The following ADAM19 variants were observed in gnomAD, a reference collection of about 807,000 sequenced individuals.
The protein encoded by ADAM19 is ADAM metallopeptidase domain 19.
In ADAM19, 65 loss-of-function variants were observed where a neutral mutation model predicts 114.7. The observed-to-expected ratio is 0.57, with a 90% CI of 0.46 to 0.70. The LOEUF is 0.70. Among genes scored for constraint, ADAM19 ranks in the 30% least tolerant of loss-of-function variants. The pLI, the probability that ADAM19 is intolerant of heterozygous loss-of-function variation, is 0.00. For synonymous variants in ADAM19, 466 were observed against 460.5 expected, an observed-to-expected ratio of 1.01 and a Z score of -0.15; for missense variants, 1,063 against 1,204.7, an observed-to-expected ratio of 0.88 and a Z score of 1.74.
Position 157,497,089 on chromosome 5 carries a change from G to A in ADAM19, c.1399C>T (p.Leu467=). 6.6e-7 allele frequency: 1 copy of A among 1,513,730 alleles called. No homozygotes were observed. 93.8% of individuals were successfully genotyped at this position (1,513,730 alleles called of 1,614,324 possible). ...AHGSCCHQCK[L]LAPGTLCREQ... ...CGGCACAGGGTCCCAGGAGCCAACA[G>A]CTGAGCCAAGGAATGAGAGGAAAAC... is the stretch of plus-strand genomic sequence containing the variant. The change falls in exon 14 of 23, where the codon CTG becomes TTG. Residue 467 remains leucine, a splice_region_variant and synonymous_variant. Transcript: ENST00000257527.
In ADAM19 at chr5:157,491,899, C is replaced by A; in HGVS notation, c.1922G>T (p.Gly641Val). Residue 641 changes from glycine to valine, a missense_variant, in exon 17 of 23, where the codon GGG becomes GTG. Gly to Val is a moderately radical substitution (Grantham distance 109). Around this residue, in one of 3 missense-constraint regions of ADAM19, gnomAD observed 424 missense variants for 445.5 expected, o/e 0.95. Transcript: ENST00000257527. ...KCGYNHICFE[G>V]QCRNTSFFET... Reference sequence around the variant, plus strand: ...AAAGAAGGAGGTGTTCCTGCACTGCCCCTCAAAGCAAATCTGCACGGAGAG... The same window carrying A: ...AAAGAAGGAGGTGTTCCTGCACTGCACCTCAAAGCAAATCTGCACGGAGAG... 6.2e-7 allele frequency: 1 copy of A among 1,614,170 alleles called. No homozygotes were observed. Among genetic ancestry groups the A allele is most frequent in the South Asian group, 1.1e-5 (1 of 91,072 alleles).
At chr5:157,522,280 G>T (rs1375633008) in intron 5 of ADAM19, among the ~76,000 whole-genome samples, 1 of 145,874 alleles carries the variant, frequency 6.9e-6, no homozygotes, top group East Asian at 1.9e-4. Flanking sequence ...TAAGAGTAGG[G>T]ATTTGTTTTT....
Position 157,480,371 on chromosome 5 carries a change from C to A in ADAM19, c.*578G>T. ...GGGTTTGGGGAGAGGTGGGAGGGGA[C>A]GTGGCTTGTCACATGCAGCCATACA... On this transcript the variant is annotated 3_prime_UTR_variant, in exon 23 of 23. Transcript: ENST00000257527. 1 of 987,754 alleles carries A rather than the reference C, an allele frequency of 1.0e-6. No homozygotes were observed. The highest frequency in any genetic ancestry group is 1.2e-6 in the Non-Finnish European group (1 of 831,674). The allele number at this position is 987,754 out of a possible 1,614,324, so 61.2% of individuals were successfully genotyped here.
intron 11 of ADAM19, among the ~76,000 whole-genome samples, chr5:157,503,928 T>C (rs566507598): frequency 6.6e-6 from 1 of 152,228 alleles, no homozygotes; most frequent in South Asian, 2.1e-4. Context: ...AAAGGACAAA[T>C]AGTACAGCCA....
At chr5:157,555,416 C>T (rs1757340199) in intron 3 of ADAM19, among the ~76,000 whole-genome samples, 1 of 152,184 alleles carries the variant, frequency 6.6e-6, no homozygotes, top group Admixed American at 6.5e-5. Flanking sequence ...GAGAACATGA[C>T]CCGGAACTTG....
At chr5:157,537,872 G>T (rs761486989) in intron 4 of ADAM19, 41 bp downstream of exon 4, 4 of 1,562,558 alleles carry the variant, frequency 2.6e-6, no homozygotes, top group African/African-American at 1.4e-5. Context: ...AGGGCTGGGA[G>T]AGGACAGCTG....
At position 157,503,035 on chromosome 5, in the gene ADAM19, CAGGT is replaced by C. The variant is rs1755618482; in HGVS notation, c.1131-59_1131-56del. 68 of 1,551,916 alleles carry C rather than the reference CAGGT, an allele frequency of 4.4e-5. No homozygotes were observed. In the South Asian group the frequency reaches 7.4e-4, roughly 17 times the overall value. On this transcript the variant is annotated intron_variant, in intron 11 of 22. Coordinates refer to ENST00000257527, the MANE Select transcript of ADAM19 (RefSeq NM_033274.5). The stretch of plus-strand genomic sequence containing the variant: ...GGAGTTTGAGCATCTAGCAGTCAGG[CAGGT>C]GTCACTCGTGCTGTCACTCCTGCTA...
intron 5 of ADAM19, among the ~76,000 whole-genome samples, chr5:157,529,223 T>A (rs968643791): frequency 1.3e-5 from 2 of 151,904 alleles, no homozygotes; most frequent in African/African-American, 4.8e-5. Flanking sequence ...GCTCACTGTC[T>A]ATCACTGCAC....
intron 5 of ADAM19, among the ~76,000 whole-genome samples, chr5:157,521,016 T>C (rs1194057315): frequency 1.3e-5 from 2 of 152,156 alleles, no homozygotes; most frequent in South Asian, 2.1e-4. Flanking sequence ...GTGCCTACCC[T>C]TGTGAAGCGT....
Position 157,477,593 on chromosome 5 carries a change from G to A in ADAM19, c.*3356C>T. The A allele has an allele frequency of 7.9e-7, 1 of 1,262,854 alleles. No homozygotes were observed. Among genetic ancestry groups the A allele is most frequent in the East Asian group, 5.7e-5 (1 of 17,630 alleles). 78.2% of individuals were successfully genotyped at this position (1,262,854 alleles called of 1,614,324 possible). On this transcript the variant is annotated 3_prime_UTR_variant, in exon 23 of 23. Coordinates refer to ENST00000257527, the MANE Select transcript of ADAM19 (RefSeq NM_033274.5). ...ATTCTACAGAACCTCTCCTTCGCAGGCTCCCCTGGGGAAGGGGACCTTTCC... is the reference window on the plus strand; with the variant it reads ...ATTCTACAGAACCTCTCCTTCGCAGACTCCCCTGGGGAAGGGGACCTTTCC...
chr5:157,533,103 C>A (rs557637085), intron 4 of ADAM19, among the ~76,000 whole-genome samples: 241 of 152,300 alleles, frequency 1.6e-3, no homozygotes, highest in African/African-American at 5.3e-3. Flanking sequence ...TCCAGCATAT[C>A]CAGCCAGCCA....
chr5:157,560,993 C>A (rs1459451093), intron 3 of ADAM19, among the ~76,000 whole-genome samples: 1 of 152,136 alleles, frequency 6.6e-6, no homozygotes, highest in Non-Finnish European at 1.5e-5. Context: ...ATAATTACAC[C>A]CCAGATGCAC....
Position 157,505,663 on chromosome 5 carries a change from A to T in ADAM19, c.1130+6T>A. ...TCCCCATCCTCCCTCTTGCTGTTTG[A>T]CTCACCCAGTGGCAGCTGCCATGAT... On this transcript the variant is annotated splice_donor_region_variant and intron_variant, in intron 11 of 22. Transcript: ENST00000257527. 6.2e-7 allele frequency: 1 copy of T among 1,612,382 alleles called. No homozygotes were observed. The highest frequency in any genetic ancestry group is 8.5e-7 in the Non-Finnish European group (1 of 1,179,296).
intron 9 of ADAM19, among the ~76,000 whole-genome samples, chr5:157,507,632 C>G (rs1049305051): frequency 1.3e-5 from 2 of 152,132 alleles, no homozygotes; most frequent in Admixed American, 6.5e-5. Flanking sequence ...GCTGTGGGGC[C>G]GATGATGCTT....
Position 157,479,200 on chromosome 5 carries a change from G to C in ADAM19, c.*1749C>G. ...TGAGGGAAGAGAAACTCATTTTCCT[G>C]AGATCTTTCTAAACCCAACCCAGGC... On this transcript the variant is annotated 3_prime_UTR_variant, in exon 23 of 23. Transcript: ENST00000257527. The C allele has an allele frequency of 2.0e-6, 2 of 985,862 alleles. No homozygotes were observed. The highest frequency in any genetic ancestry group is 2.4e-6 in the Non-Finnish European group (2 of 829,956). The allele number at this position is 985,862 out of a possible 1,614,324, so 61.1% of individuals were successfully genotyped here. A position where few individuals can be genotyped will look rare whatever the true frequency, so the allele number is the denominator to read the frequency against.
chr5:157,527,360 A>G (rs957297521), intron 5 of ADAM19, among the ~76,000 whole-genome samples: 7 of 152,118 alleles, frequency 4.6e-5, no homozygotes, highest in Admixed American at 3.3e-4. Context: ...ACAGGTGCCC[A>G]CCACCACGCC....
intron 13 of ADAM19, 25 bp from the exon 14 acceptor site, chr5:157,497,114 C>G: frequency 6.8e-7 from 1 of 1,480,782 alleles, no homozygotes; most frequent in South Asian, 1.4e-5. Flanking sequence ...GAGAGGAAAA[C>G]ACAGTCAATC....
intron 3 of ADAM19, among the ~76,000 whole-genome samples, chr5:157,562,469 C>G (rs931433462): frequency 6.6e-6 from 1 of 152,200 alleles, no homozygotes; most frequent in Non-Finnish European, 1.5e-5. Context: ...ACTCACCATG[C>G]GCTGTGCAAG....
At chr5:157,522,659 G>A (rs1440736930) in intron 5 of ADAM19, among the ~76,000 whole-genome samples, 1 of 152,126 alleles carries the variant, frequency 6.6e-6, no homozygotes, top group Non-Finnish European at 1.5e-5. Flanking sequence ...ACTGGCGGGT[G>A]CCTGTAATCC....
Sources: gnomAD v4.1 joint callset for allele counts (sites outside exome capture counted in the v4.1 genomes callset) on GRCh38, gnomAD v4.1.1 for gene constraint, gnomAD v4.1.1 regional missense constraint, MANE v1.5 for transcripts, NCBI Gene and HGNC (gene_info 2026-07-23, HGNC 2026-07-21) for gene names.